KCNMA1: variants seen among roughly 807,000 people sequenced by gnomAD.
The protein encoded by KCNMA1 is potassium calcium-activated channel subfamily M alpha 1.
A neutral mutation model predicts 140.0 loss-of-function variants in KCNMA1; 29 were observed. The observed-to-expected ratio is 0.21, with a 90% CI of 0.15 to 0.28. The LOEUF (loss-of-function observed/expected upper bound fraction) is 0.28, where lower values mean the gene tolerates loss of function less well. Among genes scored for constraint, KCNMA1 ranks in the 10% least tolerant of loss-of-function variants. The pLI is 1.00. For synonymous variants in KCNMA1, 612 were observed against 611.9 expected, an observed-to-expected ratio of 1.00 and a Z score of 0.00; for missense variants, 880 against 1,602.2, an observed-to-expected ratio of 0.55 and a Z score of 7.70.
intron 14 of KCNMA1, among the ~76,000 whole-genome samples, chr10:77,057,250 G>A (rs1337725872): frequency 2.0e-5 from 3 of 152,120 alleles, no homozygotes; most frequent in East Asian, 1.9e-4. Flanking sequence ...AGAAACAATG[G>A]AGGCAAGAAG....
At chr10:77,176,148 A>T (rs1203165938) in intron 5 of KCNMA1, among the ~76,000 whole-genome samples, 1 of 152,132 alleles carries the variant, frequency 6.6e-6, no homozygotes, top group East Asian at 1.9e-4. Context: ...TTGAGACTTC[A>T]GCTGAGCCCT....
intron 2 of KCNMA1, among the ~76,000 whole-genome samples, chr10:77,281,039 G>A (rs1203224870): frequency 1.3e-5 from 2 of 152,138 alleles, no homozygotes; most frequent in African/African-American, 4.8e-5. Flanking sequence ...CTCACAAGAG[G>A]ACTGATGGAG....
intron 1 of KCNMA1, among the ~76,000 whole-genome samples, chr10:77,530,758 C>A (rs1256243442): frequency 1.3e-5 from 2 of 152,192 alleles, no homozygotes; most frequent in African/African-American, 4.8e-5. Context: ...TCTCTCCCAT[C>A]TTCCTGATTT....
intron 3 of KCNMA1, among the ~76,000 whole-genome samples, chr10:77,217,765 T>A (rs2048282664): frequency 6.6e-6 from 1 of 152,162 alleles, no homozygotes; most frequent in Non-Finnish European, 1.5e-5. Context: ...TGATGGAAAC[T>A]TTTGTAATCA....
In KCNMA1 at chr10:77,506,876, AGAGG is replaced by A. The variant is rs559853035; in HGVS notation, c.379-102857_379-102854del. ...GTGTGTGTGTGTGTGTGTGTGTTAG[AGAGG>A]GAGAGAGAGAGAGCTTTGAAATATG... On this transcript the variant is annotated intron_variant, in intron 1 of 27. Coordinates refer to ENST00000286628, the MANE Select transcript of KCNMA1 (RefSeq NM_001161352.2). Among the ~76,000 whole-genome samples the A allele has an allele frequency of 5.9e-5, 9 of 151,442 alleles. No individual in the cohort carries two copies. In the East Asian group the frequency reaches 1.8e-3, roughly 30 times the overall value.
At chr10:77,613,445 C>T (rs930555183) in intron 1 of KCNMA1, among the ~76,000 whole-genome samples, 3 of 152,222 alleles carry the variant, frequency 2.0e-5, no homozygotes, top group African/African-American at 7.2e-5. Flanking sequence ...AATCAGACCA[C>T]ATGGGCAACA....
At chr10:77,139,381 G>A (rs930666063) in intron 5 of KCNMA1, among the ~76,000 whole-genome samples, 2 of 152,082 alleles carry the variant, frequency 1.3e-5, no homozygotes, top group African/African-American at 4.8e-5. Flanking sequence ...CTAATTCTAG[G>A]GTTATAGACA....
intron 20 of KCNMA1, 127 bp from the exon 21 acceptor site, chr10:76,954,051 C>T: frequency 9.5e-7 from 1 of 1,055,052 alleles, no homozygotes; most frequent in Non-Finnish European, 1.4e-6. Context: ...GAAGGCCATT[C>T]TTCTGCTTAC....
chr10:77,250,607 C>T (rs1313871978), intron 3 of KCNMA1: 1 of 164,736 alleles, frequency 6.1e-6, no homozygotes, highest in Non-Finnish European at 1.3e-5. Flanking sequence ...TAGAAGTCCT[C>T]AAATGGCCAG....
intron 5 of KCNMA1, among the ~76,000 whole-genome samples, chr10:77,151,080 T>C: frequency 6.6e-6 from 1 of 151,896 alleles, no homozygotes; most frequent in South Asian, 2.1e-4. Context: ...ATCTGCAGTT[T>C]CTTTCTTTCT....
At chr10:76,913,167 C>T (rs988426609) in intron 24 of KCNMA1, 4 of 152,176 alleles carry the variant, frequency 2.6e-5, no homozygotes, top group Non-Finnish European at 4.4e-5. Flanking sequence ...CATGTGAAGG[C>T]AGGTGCTCCC....
intron 3 of KCNMA1, among the ~76,000 whole-genome samples, chr10:77,205,773 A>T (rs1002574788): frequency 6.6e-6 from 1 of 152,192 alleles, no homozygotes; most frequent in African/African-American, 2.4e-5. Flanking sequence ...CCTTCTAGTC[A>T]TCACTCTCCC....
At chr10:77,385,982 T>C (rs1288129016) in intron 2 of KCNMA1, among the ~76,000 whole-genome samples, 2 of 152,062 alleles carry the variant, frequency 1.3e-5, no homozygotes, top group Non-Finnish European at 2.9e-5. Context: ...AAAAGAAGCA[T>C]CAAGGGCAAA....
intron 12 of KCNMA1, among the ~76,000 whole-genome samples, chr10:77,081,359 T>C (rs775876457): frequency 6.6e-6 from 1 of 152,128 alleles, no homozygotes; most frequent in Non-Finnish European, 1.5e-5. Context: ...ACGTGTAAGT[T>C]ATGGTTTTTG....
intron 1 of KCNMA1, among the ~76,000 whole-genome samples, chr10:77,489,944 G>T (rs1418488373): frequency 4.6e-5 from 7 of 152,216 alleles, no homozygotes; most frequent in African/African-American, 1.7e-4. Context: ...GTGGTCAGTT[G>T]TCTCATCTTC....
At chr10:76,958,945 T>C (rs2069626043) in intron 20 of KCNMA1, among the ~76,000 whole-genome samples, 1 of 152,168 alleles carries the variant, frequency 6.6e-6, no homozygotes, top group African/African-American at 2.4e-5. Flanking sequence ...GGCCCCCGGC[T>C]GCCCTTCTTG....
intron 1 of KCNMA1, among the ~76,000 whole-genome samples, chr10:77,572,970 T>C (rs1339518888): frequency 2.6e-5 from 4 of 152,012 alleles, no homozygotes; most frequent in Non-Finnish European, 5.9e-5. Context: ...CAGACTAAGC[T>C]GGATGAATGA....
intron 5 of KCNMA1, chr10:77,148,259 C>T (rs1181257621): frequency 6.6e-6 from 1 of 152,092 alleles, no homozygotes; most frequent in Non-Finnish European, 1.5e-5. Context: ...TCAAATCTAT[C>T]CTAAAATTAA....
At chr10:77,601,011 T>A (rs1567798862) in intron 1 of KCNMA1, among the ~76,000 whole-genome samples, 2 of 152,030 alleles carry the variant, frequency 1.3e-5, no homozygotes, top group Admixed American at 1.3e-4. Context: ...TGGTCAGACA[T>A]CCCTCCCACT....
Sources: gnomAD v4.1 joint callset for allele counts (sites outside exome capture counted in the v4.1 genomes callset) on GRCh38, gnomAD v4.1.1 for gene constraint, MANE v1.5 for transcripts, NCBI Gene and HGNC (gene_info 2026-07-23, HGNC 2026-07-21) for gene names.